GAK: variants seen among roughly 807,000 people sequenced by gnomAD.
GAK encodes cyclin G associated kinase, also known as cyclin-G-associated kinase.
GAK carries 79 observed loss-of-function variants against 143.9 expected under a neutral mutation model. The observed-to-expected ratio is 0.55, with a 90% CI of 0.46 to 0.66. The LOEUF is 0.66. Ranked by LOEUF, GAK falls within the 30% of genes least tolerant of loss-of-function variation. The probability of loss-of-function intolerance (pLI) is 0.00; values close to 1 mark genes in which losing one functional copy is unlikely to be tolerated. For missense variants in GAK, 1,693 were observed against 1,779.7 expected (o/e 0.95, Z 0.88); for synonymous variants, 881 against 765.5 (o/e 1.15, Z -2.49).
chr4:859,448 CAGACACG>C, intron 24 of GAK, 151 bp downstream of exon 24: 3 of 1,589,992 alleles, frequency 1.9e-6, no homozygotes, highest in African/African-American at 2.7e-5. Flanking sequence ...GGAACAGGTG[CAGACACG>C]CTGTCCCCTT....
rs545478018 is a variant in GAK at position 904,081 on chromosome 4, G to A, written c.525+556C>T. ...TCTCACCCCTGCATCCTAACTGAGCGGGAGCCCCCCACAGAGGCTGTGAAC... is the reference window on the plus strand; with the variant it reads ...TCTCACCCCTGCATCCTAACTGAGCAGGAGCCCCCCACAGAGGCTGTGAAC... On this transcript the variant is annotated intron_variant, in intron 5 of 27. Coordinates refer to ENST00000314167, the MANE Select transcript of GAK (RefSeq NM_005255.4). Among the ~76,000 whole-genome samples, 155 of 152,406 alleles carry A rather than the reference G, an allele frequency of 1.0e-3. 5 individuals carry two copies. The South Asian group carries it at 0.026, about 25-fold the overall frequency.
intron 24 of GAK, among the ~76,000 whole-genome samples, chr4:857,815 TC>T (rs975090944): frequency 1.3e-5 from 2 of 151,998 alleles, no homozygotes; most frequent in Admixed American, 6.6e-5. Flanking sequence ...TCCCTTTTTT[TC>T]CCCCCAAATG....
In GAK at chr4:876,654, A is replaced by C. The variant is rs1390202445; in HGVS notation, c.1975-45T>G. The stretch of plus-strand genomic sequence containing the variant: ...GACACCCCACGTGGAGGGTGAATCC[A>C]GATCCTGGGGCCACAGGCCAATTTT... On this transcript the variant is annotated intron_variant, in intron 17 of 27. Transcript: ENST00000314167. 3 of 1,569,354 alleles carry C rather than the reference A, an allele frequency of 1.9e-6. No individual in the cohort carries two copies. In the Admixed American group the frequency reaches 5.0e-5, roughly 26 times the overall value.
At chr4:924,784 G>A (rs1199530251) in intron 1 of GAK, among the ~76,000 whole-genome samples, 2 of 151,922 alleles carry the variant, frequency 1.3e-5, no homozygotes, top group African/African-American at 2.4e-5. Flanking sequence ...TCTCAGGATA[G>A]TGAGTGCTCT....
chr4:866,906 C>A, intron 21 of GAK, 50 bp downstream of exon 21: 1 of 1,311,162 alleles, frequency 7.6e-7, no homozygotes, highest in Non-Finnish European at 1.0e-6. Context: ...GACTCAGCCT[C>A]ATCACTCATC....
rs958607018 is a variant in GAK, at chr4:859,843, C to T, written c.3167-121G>A. 4.1e-5 allele frequency: 30 copies of T among 730,600 alleles called. No individual in the cohort carries two copies. The East Asian group carries it at 7.3e-4, about 18-fold the overall frequency. 45.3% of individuals were successfully genotyped at this position (730,600 alleles called of 1,614,324 possible). ...CTCACTCCTGCCTGAGAGCTGGCACCTGCATGGCTTGCGTGCACGAGACCA... is the reference window on the plus strand; with the variant it reads ...CTCACTCCTGCCTGAGAGCTGGCACTTGCATGGCTTGCGTGCACGAGACCA... On this transcript the variant is annotated intron_variant, in intron 23 of 27. Coordinates refer to ENST00000314167, the MANE Select transcript of GAK (RefSeq NM_005255.4).
In GAK at chr4:893,305, G is replaced by A. The variant is rs905229103; in HGVS notation, c.990+72C>T. The A allele has an allele frequency of 3.8e-5, 43 of 1,118,378 alleles. No homozygotes were observed. In the Admixed American group the frequency reaches 4.2e-4, roughly 11 times the overall value. The allele number at this position is 1,118,378 out of a possible 1,614,324, so 69.3% of individuals were successfully genotyped here. A position where few individuals can be genotyped will look rare whatever the true frequency, so the allele number is the denominator to read the frequency against. ...TCACATGTGCCTCCCTCCCCTCTGCGGGGGATCTGGGGCTCATGTGTGCCT... is the reference window on the plus strand; with the variant it reads ...TCACATGTGCCTCCCTCCCCTCTGCAGGGGATCTGGGGCTCATGTGTGCCT... On this transcript the variant is annotated intron_variant, in intron 9 of 27. Coordinates refer to ENST00000314167, the MANE Select transcript of GAK (RefSeq NM_005255.4).
chr4:912,852 C>T, intron 2 of GAK, 58 bp from the exon 3 acceptor site: 4 of 1,475,464 alleles, frequency 2.7e-6, no homozygotes, highest in Non-Finnish European at 2.8e-6. Context: ...CCTACTCCAC[C>T]CGATGCATCA....
intron 1 of GAK, among the ~76,000 whole-genome samples, chr4:917,082 G>A (rs1256432900): frequency 6.6e-6 from 1 of 151,922 alleles, no homozygotes; most frequent in Non-Finnish European, 1.5e-5. Context: ...CGAAAAAAGA[G>A]TACATACACA....
Position 868,553 on chromosome 4 carries a change from G to A in GAK, c.2381C>T (p.Thr794Met), listed in dbSNP as rs371808360. ...ACGCTGCCTACCCTGCCAGTCCAGCGTGTGCAGGAAGCGACTGGCGTCCGC... is the reference window on the plus strand; with the variant it reads ...ACGCTGCCTACCCTGCCAGTCCAGCATGTGCAGGAAGCGACTGGCGTCCGC... ...SSADASRFLH[T>M]LDWQEEKEAE... The change falls in exon 20 of 28, where the codon ACG becomes ATG. Residue 794 changes from threonine to methionine, a missense_variant. Transcript: ENST00000314167. 1.9e-4 allele frequency: 310 copies of A among 1,607,814 alleles called. No individual in the cohort carries two copies. Among genetic ancestry groups the A allele is most frequent in the Non-Finnish European group, 2.4e-4 (282 of 1,178,626 alleles).
chr4:855,448 G>A (rs947394653), intron 24 of GAK, among the ~76,000 whole-genome samples: 2 of 152,106 alleles, frequency 1.3e-5, no homozygotes, highest in African/African-American at 4.8e-5. Flanking sequence ...GGTATCCTGC[G>A]ACCTTACTGA....
chr4:887,626 T>A (rs1716748852), intron 11 of GAK: 2 of 143,936 alleles, frequency 1.4e-5, no homozygotes, highest in Non-Finnish European at 1.5e-5. Context: ...CGCGCATGCG[T>A]ACACATGCAT....
Position 902,605 on chromosome 4 carries a change from A to AAAAAAACAAAAC in GAK, c.525+2031_525+2032insGTTTTGTTTTTT, listed in dbSNP as rs1553889060. Among the ~76,000 whole-genome samples the AAAAAAACAAAAC allele has an allele frequency of 6.1e-5, 8 of 130,310 alleles. No homozygotes were observed. The Admixed American group carries it at 6.6e-4, about 11-fold the overall frequency. 85.5% of individuals were successfully genotyped at this position (130,310 alleles called of 152,430 possible). Reference sequence around the variant, plus strand: ...TGTAGAGTGACTGACTCAAAAAAAAAAAAAAAAAACCCCAAAAAACCTCTT... The same window carrying AAAAAAACAAAAC: ...TGTAGAGTGACTGACTCAAAAAAAAAAAAAAACAAAACAAAAAAAAACCCCAAAAAACCTCTT... On this transcript the variant is annotated intron_variant, in intron 5 of 27. Coordinates refer to ENST00000314167, the MANE Select transcript of GAK (RefSeq NM_005255.4).
Position 867,088 on chromosome 4 carries a change from G to C in GAK, c.2740C>G (p.Leu914Val). 1.3e-6 allele frequency: 2 copies of C among 1,551,758 alleles called. No homozygotes were observed. Among genetic ancestry groups the C allele is most frequent in the Non-Finnish European group, 1.7e-6 (2 of 1,147,664 alleles). ...PSSNTDLLSC[L>V]LGPPEAASQG... is the part of the protein sequence containing the mutation. ...GAGGCGGCCTCAGGGGGCCCAAGGA[G>C]GCAGCTGAGCAGGTCGGTGTTGCTG... Residue 914 changes from leucine (L) to valine (V), a missense_variant, in exon 21 of 28, where the codon CTC becomes GTC. Coordinates refer to ENST00000314167, the MANE Select transcript of GAK (RefSeq NM_005255.4).
intron 1 of GAK, among the ~76,000 whole-genome samples, chr4:927,904 C>G (rs1325014763): frequency 6.6e-6 from 1 of 152,232 alleles, no homozygotes; most frequent in Non-Finnish European, 1.5e-5. Context: ...TGACAGAACC[C>G]TGGTGGCTAA....
chr4:865,332 A>T, intron 22 of GAK, 88 bp from the exon 23 acceptor site: 1 of 1,537,864 alleles, frequency 6.5e-7, no homozygotes, highest in Non-Finnish European at 8.9e-7. Context: ...TCAGGGCCCT[A>T]GGAGCGGACA....
rs1435080655 is a variant in GAK, at chr4:849,386, G to C, written c.*287C>G. ...AGCAGCGTGGCCCACCACGTGCCGG[G>C]GCTCCAGAGGCCACGCCCGAAACAC... is the stretch of plus-strand genomic sequence containing the variant. On this transcript the variant is annotated 3_prime_UTR_variant, in exon 28 of 28. Transcript: ENST00000314167. 1 of 482,210 alleles carries C rather than the reference G, an allele frequency of 2.1e-6. No individual in the cohort carries two copies. The highest frequency in any genetic ancestry group is 3.5e-5 in the East Asian group (1 of 28,416). The allele number at this position is 482,210 out of a possible 1,614,324, so 29.9% of individuals were successfully genotyped here. A position where few individuals can be genotyped will look rare whatever the true frequency, so the allele number is the denominator to read the frequency against.
chr4:856,365 CA>C (rs1560280679), intron 24 of GAK, among the ~76,000 whole-genome samples: 6 of 81,140 alleles, frequency 7.4e-5, no homozygotes, highest in African/African-American at 3.4e-4. Flanking sequence ...CTGCTCACCA[CA>C]GCTGCTCACC....
intron 5 of GAK, among the ~76,000 whole-genome samples, chr4:899,941 C>T (rs914441852): frequency 3.3e-5 from 5 of 152,246 alleles, no homozygotes; most frequent in African/African-American, 1.2e-4. Context: ...ATGCGGGCCA[C>T]ATACAGGACC....
Sources: allele counts gnomAD v4.1 joint callset (sites outside exome capture counted in the v4.1 genomes callset), GRCh38; gene constraint gnomAD v4.1.1; transcripts MANE v1.5; gene names NCBI Gene and HGNC (gene_info 2026-07-23, HGNC 2026-07-21).